CMSS1: variants seen among roughly 807,000 people sequenced by gnomAD.
The protein encoded by CMSS1 is protein CMSS1.
CMSS1 carries 33 observed loss-of-function variants against 43.5 expected under a neutral mutation model. The observed-to-expected ratio is 0.76, with a 90% CI of 0.57 to 1.01. The LOEUF is 1.01. Among genes scored for constraint, CMSS1 ranks in the 50% least tolerant of loss-of-function variants. The probability of loss-of-function intolerance (pLI) is 0.00; values close to 1 mark genes in which losing one functional copy is unlikely to be tolerated. For missense variants in CMSS1, 313 were observed against 326.4 expected, an observed-to-expected ratio of 0.96 and a Z score of 0.32; for synonymous variants, 115 against 117.2, an observed-to-expected ratio of 0.98 and a Z score of 0.12.
intron 1 of CMSS1, among the ~76,000 whole-genome samples, chr3:100,025,805 T>A (rs992253339): frequency 4.6e-5 from 7 of 152,174 alleles, no homozygotes; most frequent in African/African-American, 1.4e-4. Flanking sequence ...TCTGCTGTAG[T>A]CGACCTCCAT....
chr3:100,138,037 A>G (rs1277026940), intron 1 of CMSS1, among the ~76,000 whole-genome samples: 1 of 152,184 alleles, frequency 6.6e-6, no homozygotes. Context: ...AAACAACACC[A>G]CACATCTACA....
At chr3:99,912,648 C>T (rs1430492263) in intron 1 of CMSS1, among the ~76,000 whole-genome samples, 4 of 152,118 alleles carry the variant, frequency 2.6e-5, no homozygotes, top group African/African-American at 7.2e-5. Context: ...AAAGTGCTGG[C>T]ATTACAGGCA....
chr3:100,096,660 C>CA (rs1179101855), intron 1 of CMSS1, among the ~76,000 whole-genome samples: 76 of 111,716 alleles, frequency 6.8e-4, no homozygotes, highest in East Asian at 1.8e-3. Context: ...TTAAGGAGTA[C>CA]AAAAAAAAAA....
At chr3:100,069,001 C>G (rs879840347) in intron 1 of CMSS1, among the ~76,000 whole-genome samples, 2 of 152,216 alleles carry the variant, frequency 1.3e-5, no homozygotes, top group Non-Finnish European at 1.5e-5. Context: ...TTCTGCTCCA[C>G]AAACCCAGAT....
intron 1 of CMSS1, among the ~76,000 whole-genome samples, chr3:100,029,914 G>C (rs989035517): frequency 6.6e-6 from 1 of 152,154 alleles, no homozygotes; most frequent in Non-Finnish European, 1.5e-5. Flanking sequence ...AAGACCAAGA[G>C]ATCTTGGAAC....
intron 1 of CMSS1, among the ~76,000 whole-genome samples, chr3:99,912,167 G>A (rs1251798021): frequency 2.0e-5 from 3 of 152,102 alleles, no homozygotes; most frequent in Non-Finnish European, 4.4e-5. Flanking sequence ...GCCATAAAAA[G>A]GAATGAAGTA....
intron 1 of CMSS1, among the ~76,000 whole-genome samples, chr3:99,978,557 A>G (rs13089461): frequency 0.094 from 14,241 of 152,226 alleles, 821 homozygotes; most frequent in African/African-American, 0.15. Flanking sequence ...CACACCACAT[A>G]TTCTCATTCA....
At position 99,930,971 on chromosome 3, in the gene CMSS1, G is replaced by A. The variant is rs202182798; in HGVS notation, c.64+112928G>A. 4.6e-4 allele frequency: 738 copies of A among 1,613,490 alleles called. 1 individual carries two copies. The highest frequency in any genetic ancestry group is 5.8e-4 in the Non-Finnish European group (689 of 1,179,874). On this transcript the variant is annotated intron_variant, in intron 1 of 9. Coordinates refer to ENST00000421999, the MANE Select transcript of CMSS1 (RefSeq NM_032359.4). ...GAAACTGTGGCCTTTAGTATGTCTT[G>A]GAAATTTCTTTTGGGCTGAGCCCTC...
At chr3:99,896,763 A>G (rs1706268254) in intron 1 of CMSS1, among the ~76,000 whole-genome samples, 1 of 152,176 alleles carries the variant, frequency 6.6e-6, no homozygotes. Context: ...ATAAGGTTCC[A>G]GAGGACTAGG....
rs760939603 is a variant in CMSS1, at chr3:99,850,049, T to A, written c.64+32006T>A. The A allele has an allele frequency of 2.5e-6, 4 of 1,611,236 alleles. No individual in the cohort carries two copies. Among genetic ancestry groups the A allele is most frequent in the Middle Eastern group, 1.7e-4 (1 of 6,054 alleles). ...GTTTTGGACTTGAGCGCCCTTTTAG[T>A]TTCCTCAATTAACTTCTCAGTAACT... On this transcript the variant is annotated intron_variant, in intron 1 of 9. Coordinates refer to ENST00000421999, the MANE Select transcript of CMSS1 (RefSeq NM_032359.4).
chr3:100,010,870 G>A (rs979424011), intron 1 of CMSS1, among the ~76,000 whole-genome samples: 10 of 143,696 alleles, frequency 7.0e-5, no homozygotes, highest in South Asian at 4.5e-4. Flanking sequence ...CTCATGATCC[G>A]CCTGCTTCAG....
At chr3:100,140,995 T>C (rs1261145330) in intron 1 of CMSS1, among the ~76,000 whole-genome samples, 5 of 152,196 alleles carry the variant, frequency 3.3e-5, no homozygotes, top group Non-Finnish European at 7.3e-5. Context: ...AGGAGAGACG[T>C]TCCATTTCAA....
rs561982158 is a variant in CMSS1 at position 100,076,397 on chromosome 3, G to A, written c.65-70576G>A. 8.5e-5 allele frequency among the ~76,000 whole-genome samples: 13 copies of A among 152,184 alleles called. No individual in the cohort carries two copies. In the South Asian group the frequency reaches 1.9e-3, roughly 22 times the overall value. On this transcript the variant is annotated intron_variant, in intron 1 of 9. Transcript: ENST00000421999. ...ACTGAGCTGTTTTTACTCACCACCC[G>A]CCCAACACCCTTCTTTTTCTTTTAT... is the stretch of plus-strand genomic sequence containing the variant.
intron 1 of CMSS1, among the ~76,000 whole-genome samples, chr3:99,976,658 C>A (rs1708980385): frequency 6.6e-6 from 1 of 152,010 alleles, no homozygotes. Flanking sequence ...AAACTGTTTA[C>A]CTTCAAGATT....
intron 8 of CMSS1, among the ~76,000 whole-genome samples, chr3:100,174,031 T>A (rs2067130044): frequency 6.6e-6 from 1 of 152,200 alleles, no homozygotes; most frequent in Admixed American, 6.5e-5. Context: ...ATTAGTTATT[T>A]ATTAAAGAGA....
intron 1 of CMSS1, among the ~76,000 whole-genome samples, chr3:99,958,877 A>G (rs1424740388): frequency 6.6e-6 from 1 of 152,180 alleles, no homozygotes; most frequent in Non-Finnish European, 1.5e-5. Flanking sequence ...TTGGCTTTAC[A>G]CTTAGGCAGT....
chr3:100,148,353 T>A (rs558256173), intron 2 of CMSS1, among the ~76,000 whole-genome samples: 3 of 152,340 alleles, frequency 2.0e-5, no homozygotes, highest in Admixed American at 2.0e-4. Context: ...GTGCTGGGAT[T>A]ACAGGCATGA....
intron 1 of CMSS1, among the ~76,000 whole-genome samples, chr3:99,883,394 T>A (rs781378739): frequency 6.6e-6 from 1 of 152,222 alleles, no homozygotes; most frequent in Non-Finnish European, 1.5e-5. Context: ...CTATATTATA[T>A]CATTTTAGTC....
intron 1 of CMSS1, among the ~76,000 whole-genome samples, chr3:99,882,251 A>G (rs1420488094): frequency 6.6e-6 from 1 of 152,220 alleles, no homozygotes; most frequent in African/African-American, 2.4e-5. Context: ...TTCGGTTCCA[A>G]ATTCTGCTTT....
Sources: gnomAD v4.1 joint callset for allele counts (sites outside exome capture counted in the v4.1 genomes callset) on GRCh38, gnomAD v4.1.1 for gene constraint, MANE v1.5 for transcripts, NCBI Gene and HGNC (gene_info 2026-07-23, HGNC 2026-07-21) for gene names.